Variants in TMEM132B observed in about 807,000 individuals in gnomAD.
The protein encoded by TMEM132B is transmembrane protein 132B.
Under a neutral mutation model 90.8 loss-of-function variants are expected in TMEM132B, and 18 were observed. That is an observed-to-expected ratio of 0.20 (90% CI 0.14 to 0.29). The LOEUF (loss-of-function observed/expected upper bound fraction) is 0.29. Ranked by LOEUF, TMEM132B falls within the 10% of genes least tolerant of loss-of-function variation. TMEM132B has a pLI of 1.00. For missense variants in TMEM132B, 1,096 were observed against 1,326.8 expected, an observed-to-expected ratio of 0.83 and a Z score of 2.70; for synonymous variants, 504 against 523.3, an observed-to-expected ratio of 0.96 and a Z score of 0.50.
intron 4 of TMEM132B, among the ~76,000 whole-genome samples, chr12:125,537,129 C>T (rs892771775): frequency 2.0e-5 from 3 of 152,140 alleles, no homozygotes; most frequent in African/African-American, 4.8e-5. Context: ...AATCTGTGCA[C>T]ACTCAAGTCC....
At chr12:125,414,669 T>C (rs1206202781) in intron 2 of TMEM132B, among the ~76,000 whole-genome samples, 1 of 152,166 alleles carries the variant, frequency 6.6e-6, no homozygotes, top group African/African-American at 2.4e-5. Context: ...CTTGTGGTGA[T>C]ACCTATGTTC....
At chr12:125,290,828 A>T (rs894275186) in intron 1 of TMEM132B, among the ~76,000 whole-genome samples, 1 of 152,186 alleles carries the variant, frequency 6.6e-6, no homozygotes, top group Admixed American at 6.5e-5. Context: ...TATGATTGGA[A>T]TCACTGGAGT....
At chr12:125,340,527 A>G (rs907735539) in intron 1 of TMEM132B, among the ~76,000 whole-genome samples, 26 of 152,234 alleles carry the variant, frequency 1.7e-4, no homozygotes, top group Admixed American at 8.5e-4. Context: ...TCAGCATAAC[A>G]TGGTGGTGGA....
In TMEM132B at chr12:125,355,379, A is replaced by G. The variant is rs552633928; in HGVS notation, c.959+5036A>G. ...GAGGAGCTGGAGGCAGGATAGCTAGAAGCAGACATTTTATGTGATGGGCTT... is the reference window on the plus strand; with the variant it reads ...GAGGAGCTGGAGGCAGGATAGCTAGGAGCAGACATTTTATGTGATGGGCTT... On this transcript the variant is annotated intron_variant, in intron 2 of 8. Coordinates refer to ENST00000682704, the MANE Select transcript of TMEM132B (RefSeq NM_001366854.1). Among the ~76,000 whole-genome samples the G allele has an allele frequency of 3.3e-5, 5 of 152,208 alleles. No homozygotes were observed. In the East Asian group the frequency reaches 9.7e-4, roughly 29 times the overall value.
rs193178361 is a variant in TMEM132B at position 125,220,653 on chromosome 12, G to A, written c.67+33787G>A. Among the ~76,000 whole-genome samples, 29 of 152,264 alleles carry A rather than the reference G, an allele frequency of 1.9e-4. 1 individual carries two copies. The highest frequency in any genetic ancestry group is 1.6e-3 in the Admixed American group (25 of 15,308). On this transcript the variant is annotated intron_variant, in intron 1 of 8. Transcript: ENST00000682704. ...GCACCACGGAGCTCCTGGTGTTGAC[G>A]CTCTGTGGTCAGGCAGTCAATCAGC...
intron 3 of TMEM132B, among the ~76,000 whole-genome samples, chr12:125,511,800 C>T (rs369420419): frequency 2.5e-4 from 37 of 146,470 alleles, no homozygotes; most frequent in African/African-American, 6.4e-4. Flanking sequence ...TGCAGTGAGC[C>T]GAGATCGCAC....
At chr12:125,606,153 A>C (rs189835602) in intron 5 of TMEM132B, among the ~76,000 whole-genome samples, 2 of 152,186 alleles carry the variant, frequency 1.3e-5, no homozygotes, top group Admixed American at 6.5e-5. Flanking sequence ...TGTGTCCTCT[A>C]TGTGGAATCT....
chr12:125,514,724 C>G (rs1004932028), intron 3 of TMEM132B, among the ~76,000 whole-genome samples: 4 of 152,174 alleles, frequency 2.6e-5, no homozygotes, highest in African/African-American at 9.7e-5. Context: ...ATTTCTTCCT[C>G]CCTCCCACCT....
At position 125,379,269 on chromosome 12, in the gene TMEM132B, G is replaced by A. The variant is rs780262521; in HGVS notation, c.959+28926G>A. 2.0e-5 allele frequency among the ~76,000 whole-genome samples: 3 copies of A among 152,156 alleles called. No individual in the cohort carries two copies. The South Asian group carries it at 6.2e-4, about 32-fold the overall frequency. On this transcript the variant is annotated intron_variant, in intron 2 of 8. Coordinates refer to ENST00000682704, the MANE Select transcript of TMEM132B (RefSeq NM_001366854.1). ...CAGCTGAGTTAAGGAGGGTATCCTG[G>A]GTTATCCAGGTGGAACCAGTGTAAC...
chr12:125,398,055 A>G (rs546427028), intron 2 of TMEM132B, among the ~76,000 whole-genome samples: 1 of 152,300 alleles, frequency 6.6e-6, no homozygotes, highest in Middle Eastern at 3.4e-3. Flanking sequence ...TGCTTGGAAA[A>G]GATATCATCG....
chr12:125,606,001 G>A (rs1885686820), intron 5 of TMEM132B, among the ~76,000 whole-genome samples: 1 of 152,170 alleles, frequency 6.6e-6, no homozygotes. Flanking sequence ...AATGGATAAC[G>A]TGTGACAGTA....
intron 1 of TMEM132B, among the ~76,000 whole-genome samples, chr12:125,242,163 A>G (rs1476327273): frequency 6.6e-6 from 1 of 152,114 alleles, no homozygotes; most frequent in Non-Finnish European, 1.5e-5. Flanking sequence ...CATTTTTAAA[A>G]ATTTTGAGTC....
chr12:125,443,471 CT>C (rs1234129525), intron 3 of TMEM132B, among the ~76,000 whole-genome samples: 6 of 152,142 alleles, frequency 3.9e-5, no homozygotes, highest in African/African-American at 1.4e-4. Flanking sequence ...TTGGTCTCTC[CT>C]GTGATTATGT....
intron 3 of TMEM132B, among the ~76,000 whole-genome samples, chr12:125,439,309 G>A (rs1461126784): frequency 1.3e-5 from 2 of 152,162 alleles, no homozygotes; most frequent in African/African-American, 4.8e-5. Flanking sequence ...AGTGTGGAAT[G>A]TTTTTCCCTT....
intron 3 of TMEM132B, among the ~76,000 whole-genome samples, chr12:125,437,451 G>T (rs1476035273): frequency 6.6e-6 from 1 of 152,166 alleles, no homozygotes; most frequent in South Asian, 2.1e-4. Flanking sequence ...TAGGTGCCTA[G>T]CAGTGGAATT....
intron 3 of TMEM132B, among the ~76,000 whole-genome samples, chr12:125,455,484 G>A (rs1347909757): frequency 1.3e-5 from 2 of 152,128 alleles, no homozygotes; most frequent in African/African-American, 4.8e-5. Flanking sequence ...GGAGATGTTG[G>A]TGACGGGAGG....
intron 3 of TMEM132B, among the ~76,000 whole-genome samples, chr12:125,428,256 A>C (rs2136392681): frequency 6.6e-6 from 1 of 152,126 alleles, no homozygotes; most frequent in South Asian, 2.1e-4. Flanking sequence ...AGCCTCCCAA[A>C]GTACTAGGAT....
At chr12:125,440,973 T>A (rs979048587) in intron 3 of TMEM132B, among the ~76,000 whole-genome samples, 1 of 152,224 alleles carries the variant, frequency 6.6e-6, no homozygotes, top group Admixed American at 6.5e-5. Flanking sequence ...TGGGTATTAG[T>A]TGGCGTTTAT....
chr12:125,542,561 C>T (rs2136732722), intron 4 of TMEM132B, among the ~76,000 whole-genome samples: 1 of 152,336 alleles, frequency 6.6e-6, no homozygotes, highest in African/African-American at 2.4e-5. Context: ...TGATTTTCCT[C>T]ATGTAGGTAG....
Sources: gnomAD v4.1 joint callset for allele counts (sites outside exome capture counted in the v4.1 genomes callset) on GRCh38, gnomAD v4.1.1 for gene constraint, MANE v1.5 for transcripts, NCBI Gene and HGNC (gene_info 2026-07-23, HGNC 2026-07-21) for gene names.